GPC3: variants seen among roughly 807,000 people sequenced by gnomAD.
The protein encoded by GPC3 is glypican 3, also known as glypican-3.
Under a neutral mutation model 34.4 loss-of-function variants are expected in GPC3, and 3 were observed. The observed-to-expected ratio is 0.09, with a 90% CI of 0.04 to 0.23. The LOEUF (loss-of-function observed/expected upper bound fraction) is 0.23, where lower values mean the gene tolerates loss of function less well. Among genes scored for constraint, GPC3 ranks in the 10% least tolerant of loss-of-function variants. The probability of loss-of-function intolerance (pLI) is 1.00; values close to 1 mark genes in which losing one functional copy is unlikely to be tolerated. For missense variants in GPC3, 351 were observed against 445.6 expected, an observed-to-expected ratio of 0.79 and a Z score of 1.91; for synonymous variants, 177 against 174.0, an observed-to-expected ratio of 1.02 and a Z score of -0.13.
chrX:133,967,939 T>C (rs1415926994), intron 1 of GPC3, among the ~76,000 whole-genome samples: 1 of 112,604 alleles, frequency 8.9e-6, no homozygotes, highest in African/African-American at 3.2e-5. Context: ...GCTTTTTACT[T>C]TTTAAGGGAA....
intron 6 of GPC3, among the ~76,000 whole-genome samples, chrX:133,642,726 C>T (rs367893540): frequency 5.5e-4 from 54 of 98,739 alleles, no homozygotes; most frequent in African/African-American, 1.9e-3. Context: ...GAGCTGAGAT[C>T]GCACCATTGC....
At chrX:133,791,797 TTTCC>T (rs199692354) in intron 2 of GPC3, among the ~76,000 whole-genome samples, 5,583 of 80,042 alleles carry the variant, frequency 0.07, 212 homozygotes, top group Middle Eastern at 0.086. Flanking sequence ...TCCTTTTTCT[TTTCC>T]TTCCTTCCTT....
intron 7 of GPC3, among the ~76,000 whole-genome samples, chrX:133,588,287 A>G (rs1030840587): frequency 4.5e-5 from 5 of 111,356 alleles, no homozygotes; most frequent in Non-Finnish European, 7.5e-5. Context: ...TTATTCCTGG[A>G]CTTGTTACCA....
chrX:133,731,646 T>G (rs757402540), intron 3 of GPC3, among the ~76,000 whole-genome samples: 3 of 111,821 alleles, frequency 2.7e-5, no homozygotes, highest in East Asian at 5.6e-4. Flanking sequence ...TTGTTTTTCT[T>G]GTCTTCACAA....
chrX:133,981,619 A>G (rs995888141), intron 1 of GPC3, among the ~76,000 whole-genome samples: 3 of 112,210 alleles, frequency 2.7e-5, no homozygotes, highest in Non-Finnish European at 5.6e-5. Context: ...CTCAGAAGAG[A>G]AAAAACCCTT....
At chrX:133,726,099 T>C (rs759135231) in intron 3 of GPC3, among the ~76,000 whole-genome samples, 1 of 112,187 alleles carries the variant, frequency 8.9e-6, no homozygotes, top group African/African-American at 3.2e-5. Context: ...GCTTTTCTAA[T>C]AAAGGCAATC....
intron 7 of GPC3, among the ~76,000 whole-genome samples, chrX:133,547,978 T>A (rs763243372): frequency 3.6e-4 from 40 of 111,600 alleles, no homozygotes; most frequent in Admixed American, 3.5e-3. Flanking sequence ...TGCATTTTTT[T>A]AAGAGACACT....
At chrX:133,657,188 A>G (rs2070671618) in intron 6 of GPC3, among the ~76,000 whole-genome samples, 1 of 112,115 alleles carries the variant, frequency 8.9e-6, no homozygotes, top group African/African-American at 3.2e-5. Context: ...GAAACAATAA[A>G]TGGATAGATT....
chrX:133,937,912 T>C (rs1398599741), intron 2 of GPC3, among the ~76,000 whole-genome samples: 1 of 111,948 alleles, frequency 8.9e-6, no homozygotes, highest in Admixed American at 9.5e-5. Flanking sequence ...ATTTCCCTCC[T>C]GGGAAACTGA....
At chrX:133,773,852 G>A (rs2071947865) in intron 2 of GPC3, among the ~76,000 whole-genome samples, 1 of 111,377 alleles carries the variant, frequency 9.0e-6, no homozygotes, top group Admixed American at 9.6e-5. Context: ...TCCTGGATAG[G>A]TCATTTTTCC....
At chrX:133,576,359 T>C (rs763390944) in intron 7 of GPC3, among the ~76,000 whole-genome samples, 148 of 111,493 alleles carry the variant, frequency 1.3e-3, no homozygotes, top group African/African-American at 4.3e-3. Flanking sequence ...TTCTCGTGCC[T>C]CATCCTCCTG....
intron 2 of GPC3, among the ~76,000 whole-genome samples, chrX:133,821,024 A>C (rs2075716543): frequency 8.9e-6 from 1 of 112,135 alleles, no homozygotes; most frequent in East Asian, 2.8e-4. Context: ...GTTCCACAAA[A>C]GGGGTTGTGC....
intron 6 of GPC3, among the ~76,000 whole-genome samples, chrX:133,605,495 T>C (rs1195343736): frequency 8.9e-6 from 1 of 112,431 alleles, no homozygotes. Flanking sequence ...GATAAAAGTG[T>C]GTTCGGTTCC....
At chrX:133,567,056 A>C (rs1444730879) in intron 7 of GPC3, among the ~76,000 whole-genome samples, 1 of 112,170 alleles carries the variant, frequency 8.9e-6, no homozygotes, top group African/African-American at 3.2e-5. Context: ...GGAAAGGCTG[A>C]TGAGTATTTC....
At chrX:133,817,074 G>A (rs985893347) in intron 2 of GPC3, among the ~76,000 whole-genome samples, 3 of 111,391 alleles carry the variant, frequency 2.7e-5, no homozygotes, top group Non-Finnish European at 5.6e-5. Context: ...GTATCACCTC[G>A]CTGCAAACTG....
At chrX:133,824,715 C>G (rs986282593) in intron 2 of GPC3, among the ~76,000 whole-genome samples, 6 of 110,330 alleles carry the variant, frequency 5.4e-5, no homozygotes, top group African/African-American at 2.0e-4. Context: ...TAAATATGTA[C>G]AATTACAATG....
intron 7 of GPC3, among the ~76,000 whole-genome samples, chrX:133,540,676 A>T (rs1468247239): frequency 3.6e-5 from 4 of 111,437 alleles, no homozygotes; most frequent in Admixed American, 9.6e-5. Flanking sequence ...TAACTAAATA[A>T]CATCTGTACC....
chrX:133,838,585 C>T (rs949305762), intron 2 of GPC3, among the ~76,000 whole-genome samples: 1 of 112,619 alleles, frequency 8.9e-6, no homozygotes, highest in Non-Finnish European at 1.9e-5. Flanking sequence ...TTAATTTTTA[C>T]ATTCTGAATA....
At chrX:133,666,555 T>C (rs1341617606) in intron 5 of GPC3, among the ~76,000 whole-genome samples, 2 of 112,381 alleles carry the variant, frequency 1.8e-5, no homozygotes, top group African/African-American at 6.5e-5. Context: ...TCTGTGTTCT[T>C]GCACTATCCT....
Sources: gnomAD v4.1 joint callset for allele counts (sites outside exome capture counted in the v4.1 genomes callset) on GRCh38, gnomAD v4.1.1 for gene constraint, MANE v1.5 for transcripts, NCBI Gene and HGNC (gene_info 2026-07-23, HGNC 2026-07-21) for gene names.